The following MACROD2 variants were observed in gnomAD, a reference collection of about 807,000 sequenced individuals.
MACROD2 encodes the protein mono-ADP ribosylhydrolase 2.
MACROD2 carries 36 observed loss-of-function variants against 70.4 expected under a neutral mutation model. The observed-to-expected ratio is 0.51, with a 90% CI of 0.39 to 0.68. MACROD2 has a LOEUF of 0.68. Ranked by LOEUF, MACROD2 falls within the 30% of genes least tolerant of loss-of-function variation. The pLI, the probability that MACROD2 is intolerant of heterozygous loss-of-function variation, is 0.00. For missense variants in MACROD2, 496 were observed against 538.4 expected (o/e 0.92, Z 0.78); for synonymous variants, 172 against 178.8 (o/e 0.96, Z 0.30).
At chr20:15,023,515 A>G (rs762966156) in intron 5 of MACROD2, among the ~76,000 whole-genome samples, 11 of 152,208 alleles carry the variant, frequency 7.2e-5, no homozygotes, top group Middle Eastern at 3.2e-3. Context: ...CACACTGCTA[A>G]TAAAGACATA....
chr20:15,377,691 T>G (rs1290430661), intron 6 of MACROD2, among the ~76,000 whole-genome samples: 1 of 152,222 alleles, frequency 6.6e-6, no homozygotes, highest in East Asian at 1.9e-4. Flanking sequence ...GGTCTGAAAC[T>G]TAGAGAATAA....
At chr20:15,392,464 G>A (rs143285455) in intron 6 of MACROD2, among the ~76,000 whole-genome samples, 1,932 of 151,914 alleles carry the variant, frequency 0.013, 26 homozygotes, top group Middle Eastern at 0.068. Flanking sequence ...TTATATTCAC[G>A]TTTCAAGGTT....
intron 3 of MACROD2, among the ~76,000 whole-genome samples, chr20:14,412,221 T>G (rs1427203999): frequency 3.3e-5 from 5 of 152,188 alleles, no homozygotes; most frequent in African/African-American, 4.8e-5. Flanking sequence ...GACTTCTGTC[T>G]TAGCTGTGAC....
intron 3 of MACROD2, among the ~76,000 whole-genome samples, chr20:14,365,573 G>A (rs989579586): frequency 2.2e-4 from 34 of 151,822 alleles, no homozygotes; most frequent in African/African-American, 7.5e-4. Context: ...TTCTTGTTTC[G>A]TTAACTGTTT....
intron 6 of MACROD2, among the ~76,000 whole-genome samples, chr20:15,383,120 C>G (rs2045666346): frequency 6.6e-6 from 1 of 152,186 alleles, no homozygotes; most frequent in African/African-American, 2.4e-5. Flanking sequence ...GAAAAAGCTT[C>G]TCATTCATGA....
At chr20:15,474,591 C>G (rs1341684207) in intron 7 of MACROD2, among the ~76,000 whole-genome samples, 1 of 152,288 alleles carries the variant, frequency 6.6e-6, no homozygotes, top group East Asian at 1.9e-4. Context: ...TAAAAATGAG[C>G]AATCGGAAAA....
chr20:14,071,785 AT>A (rs1158916283), intron 2 of MACROD2, among the ~76,000 whole-genome samples: 1 of 152,088 alleles, frequency 6.6e-6, no homozygotes, highest in African/African-American at 2.4e-5. Context: ...GAATAAGGTC[AT>A]AGGCCAGGTG....
At chr20:15,085,873 A>AACACACACACAC (rs3070249) in intron 5 of MACROD2, among the ~76,000 whole-genome samples, 96 of 144,382 alleles carry the variant, frequency 6.6e-4, no homozygotes, top group East Asian at 6.4e-3. Flanking sequence ...ACACACACAC[A>AACACACACACAC]ACACACACAC....
In MACROD2 at chr20:15,109,372, T is replaced by G. The variant is rs181044923; in HGVS notation, c.419-120568T>G. Among the ~76,000 whole-genome samples, 62 of 152,170 alleles carry G rather than the reference T, an allele frequency of 4.1e-4. 1 individual carries two copies. The East Asian group carries it at 0.012, about 28-fold the overall frequency. ...GTAAGACCTAAATATACTAAGAGAT[T>G]TTAATTACCTAGATATCTATTGGGA... On this transcript the variant is annotated intron_variant, in intron 5 of 17. Coordinates refer to ENST00000684519, the MANE Select transcript of MACROD2 (RefSeq NM_001351661.2).
intron 4 of MACROD2, among the ~76,000 whole-genome samples, chr20:14,639,523 T>C (rs957699113): frequency 1.3e-5 from 2 of 152,194 alleles, no homozygotes; most frequent in Non-Finnish European, 2.9e-5. Context: ...ATCCACCCTG[T>C]CTGTGGCCAG....
At chr20:15,581,714 G>C (rs1188776196) in intron 8 of MACROD2, among the ~76,000 whole-genome samples, 1 of 152,200 alleles carries the variant, frequency 6.6e-6, no homozygotes, top group Non-Finnish European at 1.5e-5. Flanking sequence ...GGTCACAGGA[G>C]GGGCCTGTGG....
chr20:14,786,204 TAGAGAGAGAG>T (rs11474711), intron 5 of MACROD2, among the ~76,000 whole-genome samples: 7 of 135,430 alleles, frequency 5.2e-5, no homozygotes, highest in Non-Finnish European at 1.1e-4. Context: ...CAGAGAAAGA[TAGAGAGAGAG>T]AGAGAGAGAG....
At chr20:15,013,749 C>A (rs1048787839) in intron 5 of MACROD2, among the ~76,000 whole-genome samples, 1 of 152,136 alleles carries the variant, frequency 6.6e-6, no homozygotes, top group African/African-American at 2.4e-5. Flanking sequence ...CCCAAGAGCC[C>A]TCCCTAATAA....
chr20:14,502,213 G>T (rs1034852711), intron 4 of MACROD2, among the ~76,000 whole-genome samples: 1 of 152,082 alleles, frequency 6.6e-6, no homozygotes, highest in Non-Finnish European at 1.5e-5. Flanking sequence ...ATCTGATGTA[G>T]CTCCACAGTA....
chr20:16,028,651 A>G (rs1242697963), intron 15 of MACROD2, among the ~76,000 whole-genome samples: 3 of 152,152 alleles, frequency 2.0e-5, no homozygotes, highest in African/African-American at 7.2e-5. Flanking sequence ...TTCTGTTGCC[A>G]TGGAAAGGGT....
chr20:15,539,004 A>G (rs1427459960), intron 8 of MACROD2, among the ~76,000 whole-genome samples: 1 of 152,146 alleles, frequency 6.6e-6, no homozygotes, highest in East Asian at 1.9e-4. Context: ...TATAAATTAT[A>G]AATATATATG....
chr20:15,951,320 C>CAA (rs1310976572), intron 12 of MACROD2, among the ~76,000 whole-genome samples: 1 of 149,418 alleles, frequency 6.7e-6, no homozygotes, highest in Non-Finnish European at 1.5e-5. Flanking sequence ...CACACACACA[C>CAA]ACACACACAC....
chr20:14,327,215 A>T, intron 3 of MACROD2: 1 of 1,613,646 alleles, frequency 6.2e-7, no homozygotes, highest in Non-Finnish European at 8.5e-7. Context: ...TTGGTAGGAA[A>T]TTCATCTAAA....
chr20:14,895,952 T>C (rs2073823165), intron 5 of MACROD2, among the ~76,000 whole-genome samples: 2 of 152,216 alleles, frequency 1.3e-5, no homozygotes, highest in African/African-American at 2.4e-5. Flanking sequence ...CCATATATGT[T>C]TCTCTTTAAC....
Sources: allele counts gnomAD v4.1 joint callset (sites outside exome capture counted in the v4.1 genomes callset), GRCh38; gene constraint gnomAD v4.1.1; transcripts MANE v1.5; gene names NCBI Gene and HGNC (gene_info 2026-07-23, HGNC 2026-07-21).